DMPK: variants seen among roughly 807,000 people sequenced by gnomAD.
DMPK encodes the protein DM1 protein kinase, also known as myotonin-protein kinase.
Under a neutral mutation model 70.3 loss-of-function variants are expected in DMPK, and 32 were observed. The observed-to-expected ratio is 0.46, with a 90% confidence interval of 0.34 to 0.61. DMPK has a LOEUF of 0.61. Among genes scored for constraint, DMPK ranks in the 20% least tolerant of loss-of-function variants. The pLI is 0.01. For missense variants in DMPK, 899 were observed against 886.0 expected (o/e 1.01, Z -0.19); for synonymous variants, 469 against 390.9 (o/e 1.20, Z -2.36).
In DMPK at chr19:45,779,742, ACGAGTCAAGTCAGGCTCCCGCC is replaced by A; in HGVS notation, c.252+14_252+35del. The A allele has an allele frequency of 6.8e-7, 1 of 1,466,302 alleles. No individual in the cohort carries two copies. The highest frequency in any genetic ancestry group is 2.1e-5 in the Admixed American group (1 of 48,052). The allele number at this position is 1,466,302 out of a possible 1,614,324, so 90.8% of individuals were successfully genotyped here. Reference sequence around the variant, plus strand: ...CCCCAACCCCTATGCCCCGCCCACCACGAGTCAAGTCAGGCTCCCGCCCGGTTCGGCTTACCTCGCTGAACGC... The same window carrying A: ...CCCCAACCCCTATGCCCCGCCCACCACGGTTCGGCTTACCTCGCTGAACGC... On this transcript the variant is annotated intron_variant, in intron 2 of 14. Coordinates refer to ENST00000291270, the MANE Select transcript of DMPK (RefSeq NM_004409.5).
rs1484648651 is a variant in DMPK at position 45,771,856 on chromosome 19, C to G, written c.1417G>C (p.Glu473Gln). 6.3e-7 allele frequency: 1 copy of G among 1,580,502 alleles called. No homozygotes were observed. Among genetic ancestry groups the G allele is most frequent in the Admixed American group, 1.8e-5 (1 of 55,188 alleles). The part of the protein sequence containing the change: ...EAEVTLRELQ[E>Q]ALEEEVLTRQ... ...GTGAGCACCTCCTCCTCCAGGGCTTCCTGGAGCTCCCGCAGCGTCACCTCG... is the reference window on the plus strand; with the variant it reads ...GTGAGCACCTCCTCCTCCAGGGCTTGCTGGAGCTCCCGCAGCGTCACCTCG... Residue 473 changes from glutamate to glutamine, a missense_variant, in exon 11 of 15, where the codon GAA becomes CAA. Glu to Gln is a conservative substitution (Grantham distance 29, BLOSUM62 2). This residue lies in a region of DMPK where 555 missense variants were observed against 483.8 expected (regional missense o/e 1.15). Transcript: ENST00000291270.
Position 45,779,771 on chromosome 19 carries a change from G to C in DMPK, c.252+7C>G, listed in dbSNP as rs773761593. Reference sequence around the variant, plus strand: ...GTCAAGTCAGGCTCCCGCCCGGTTCGGCTTACCTCGCTGAACGCCCCGCGT... The same window carrying C: ...GTCAAGTCAGGCTCCCGCCCGGTTCCGCTTACCTCGCTGAACGCCCCGCGT... On this transcript the variant is annotated splice_region_variant and intron_variant, in intron 2 of 14. Coordinates refer to ENST00000291270, the MANE Select transcript of DMPK (RefSeq NM_004409.5). 8 of 1,551,304 alleles carry C rather than the reference G, an allele frequency of 5.2e-6. No individual in the cohort carries two copies. In the East Asian group the frequency reaches 6.8e-5, roughly 13 times the overall value.
At position 45,779,479 on chromosome 19, in the gene DMPK, A is replaced by G; in HGVS notation, c.296T>C (p.Met99Thr). 1.2e-6 allele frequency: 2 copies of G among 1,613,764 alleles called. No homozygotes were observed. Among genetic ancestry groups the G allele is most frequent in the Non-Finnish European group, 1.7e-6 (2 of 1,179,978 alleles). Residue 99 changes from methionine to threonine, a missense_variant, in exon 3 of 15, where the codon ATG becomes ACG. By Grantham distance (81) the Met-to-Thr change is moderately conservative. This residue lies in a region of DMPK where 149 missense variants were observed against 142.5 expected (regional missense o/e 1.05). Coordinates refer to ENST00000291270, the MANE Select transcript of DMPK (RefSeq NM_004409.5). The part of the protein sequence containing the change: ...KMKQTGQVYA[M>T]KIMNKWDMLK... The stretch of plus-strand genomic sequence containing the variant: ...CATGTCCCACTTGTTCATGATCTTC[A>G]TGGCATACACCTGGCCCGTCTGCTT...
chr19:45,770,668 C>A (rs370518944), intron 14 of DMPK, 28 bp from the exon 15 acceptor site: 1 of 1,546,606 alleles, frequency 6.5e-7, no homozygotes, highest in Non-Finnish European at 8.7e-7. Flanking sequence ...GGTCAACACC[C>A]GGCATGGGCC....
chr19:45,779,625 AC>A, intron 2 of DMPK, 103 bp from the exon 3 acceptor site: 1 of 1,537,122 alleles, frequency 6.5e-7, no homozygotes, highest in Non-Finnish European at 8.8e-7. Context: ...GCCCCGCCCC[AC>A]CTGCCACACC....
chr19:45,777,210 G>C lies in DMPK; in HGVS notation c.1146+117C>G. On this transcript the variant is annotated intron_variant, in intron 8 of 14. Coordinates refer to ENST00000291270, the MANE Select transcript of DMPK (RefSeq NM_004409.5). This position sits in a 1 kb window ranked among gnomAD's most constrained non-coding sequence, Gnocchi z 6.7. Reference sequence around the variant, plus strand: ...CTCAGTAGTAGATGGGCACAGAGCAGGTGCTCTGGGGAATGAGTGATTCAG... The same window carrying C: ...CTCAGTAGTAGATGGGCACAGAGCACGTGCTCTGGGGAATGAGTGATTCAG... The C allele has an allele frequency of 7.4e-7, 1 of 1,344,812 alleles. No homozygotes were observed. The highest frequency in any genetic ancestry group is 2.9e-5 in the Admixed American group (1 of 34,782). 83.3% of individuals were successfully genotyped at this position (1,344,812 alleles called of 1,614,324 possible).
At chr19:45,781,892 C>T (rs943957743) in intron 1 of DMPK, among the ~76,000 whole-genome samples, 4 of 152,140 alleles carry the variant, frequency 2.6e-5, no homozygotes, top group East Asian at 1.9e-4. Flanking sequence ...GACCCTGAGG[C>T]GGGGTGCAGA....
intron 9 of DMPK, 22 bp downstream of exon 9, chr19:45,774,927 G>A (rs1266673718): frequency 1.3e-6 from 2 of 1,597,520 alleles, no homozygotes; most frequent in Middle Eastern, 1.7e-4. Flanking sequence ...GGCCCCTGGA[G>A]GCCGTCCAGG....
In DMPK at chr19:45,777,519, C is replaced by G. The variant is rs749089111; in HGVS notation, c.954G>C (p.Leu318=). The change falls in exon 8 of 15, where the codon CTG becomes CTC. Residue 318 remains leucine, a synonymous_variant. Coordinates refer to ENST00000291270, the MANE Select transcript of DMPK (RefSeq NM_004409.5). The surrounding 1 kb of genome is among the most constrained non-coding windows in gnomAD (Gnocchi z 6.7). The part of the protein sequence containing the change: ...EEARDFIQRL[L]CPPETRLGRG... ...GGCCCAGCCGTGTCTCCGGGGGACA[C>G]AGCAACCGCTGAATGAAGTCTCGAG... 1 of 1,613,610 alleles carries G rather than the reference C, an allele frequency of 6.2e-7. No individual in the cohort carries two copies. The highest frequency in any genetic ancestry group is 1.1e-5 in the South Asian group (1 of 91,090).
chr19:45,774,924 G>T, intron 9 of DMPK, 25 bp downstream of exon 9: 1 of 1,601,370 alleles, frequency 6.2e-7, no homozygotes, highest in Non-Finnish European at 8.6e-7. Context: ...CGTGGCCCCT[G>T]GAGGCCGTCC....
Position 45,779,850 on chromosome 19 carries a change from C to G in DMPK, c.180G>C (p.Arg60Ser). Residue 60 changes from arginine (R) to serine (S), a missense_variant, in exon 2 of 15, where the codon AGG becomes AGC. By Grantham distance (110) the Arg-to-Ser change is moderately radical. Coordinates refer to ENST00000291270, the MANE Select transcript of DMPK (RefSeq NM_004409.5). ...FLQWAEPIVV[R>S]LKEVRLQRDD... ...CCCTCTGCAGTCGGACCTCCTTAAG[C>G]CTCACCACGATGGGCTCCGCTGGGG... The G allele has an allele frequency of 2.5e-6, 4 of 1,611,866 alleles. No individual in the cohort carries two copies. The highest frequency in any genetic ancestry group is 3.4e-6 in the Non-Finnish European group (4 of 1,178,982).
At chr19:45,779,679 T>G (rs1600446922) in intron 2 of DMPK, 99 bp downstream of exon 2, 12 of 1,534,614 alleles carry the variant, frequency 7.8e-6, no homozygotes, top group East Asian at 2.3e-5. Context: ...CAGCCCTAGG[T>G]TCTAAGGCTC....
chr19:45,778,334 CT>C, intron 5 of DMPK, 114 bp from the exon 6 acceptor site: 13 of 1,368,886 alleles, frequency 9.5e-6, no homozygotes, highest in Middle Eastern at 2.1e-4. Flanking sequence ...GGTTCCGCCC[CT>C]GTAGGGCTTC....
Position 45,778,502 on chromosome 19 carries a change from T to A in DMPK, c.572A>T (p.Tyr191Phe). The change falls in exon 5 of 15, where the codon TAC becomes TTC. Residue 191 changes from tyrosine (Y) to phenylalanine (F), a missense_variant. By Grantham distance (22) the Tyr-to-Phe change is conservative. Transcript: ENST00000291270. ...GCCATGCTGCACCCACCTGTGCACGTAGCCAAGCCGGTGCACCGAGTCTAT... is the reference window on the plus strand; with the variant it reads ...GCCATGCTGCACCCACCTGTGCACGAAGCCAAGCCGGTGCACCGAGTCTAT... ...MAIDSVHRLG[Y>F]VHRDIKPDNI... 6.2e-7 allele frequency: 1 copy of A among 1,613,662 alleles called. No individual in the cohort carries two copies. Among genetic ancestry groups the A allele is most frequent in the Non-Finnish European group, 8.5e-7 (1 of 1,179,980 alleles).
intron 13 of DMPK, 103 bp downstream of exon 13, chr19:45,771,247 G>T: frequency 6.8e-7 from 1 of 1,462,536 alleles, no homozygotes; most frequent in Non-Finnish European, 9.2e-7. Flanking sequence ...AAGTCGCAAA[G>T]ACGTAGGGTG....
chr19:45,781,531 G>A lies in DMPK; in HGVS notation c.160+662C>T, dbSNP rs545559067. Among the ~76,000 whole-genome samples, 40 of 152,264 alleles carry A rather than the reference G, an allele frequency of 2.6e-4. No individual in the cohort carries two copies. In the Middle Eastern group the frequency reaches 0.014, roughly 52 times the overall value. On this transcript the variant is annotated intron_variant, in intron 1 of 14. Coordinates refer to ENST00000291270, the MANE Select transcript of DMPK (RefSeq NM_004409.5). ...GGCTCATAGGAACCGAGACTTTGGGGCTGGGGGTGGGGGTGGGTGCAGAAC... is the reference window on the plus strand; with the variant it reads ...GGCTCATAGGAACCGAGACTTTGGGACTGGGGGTGGGGGTGGGTGCAGAAC...
intron 1 of DMPK, chr19:45,780,643 G>T (rs925694760): frequency 1.0e-6 from 1 of 1,003,220 alleles, no homozygotes; most frequent in Non-Finnish European, 1.2e-6. Context: ...ACTCCCGGGG[G>T]TGGAAGAAGT....
intron 1 of DMPK, chr19:45,780,497 C>T: frequency 2.7e-6 from 3 of 1,122,730 alleles, no homozygotes; most frequent in South Asian, 4.3e-5. Flanking sequence ...AGTCCTACCC[C>T]TTATTTACAG....
rs1244999751 is a variant in DMPK, at chr19:45,777,528, C to G, written c.945G>C (p.Gln315His). The change falls in exon 8 of 15, where the codon CAG becomes CAC. Residue 315 changes from glutamine to histidine, a missense_variant. Gln to His is a conservative substitution (Grantham distance 24). Transcript: ENST00000291270. This position sits in a 1 kb window ranked among gnomAD's most constrained non-coding sequence, Gnocchi z 6.7. ...GTGTCTCCGGGGGACACAGCAACCG[C>G]TGAATGAAGTCTCGAGCCTCCTCAG... is the stretch of plus-strand genomic sequence containing the variant. Reference protein sequence around the residue: ...GVPEEARDFIQRLLCPPETRL... With the variant: ...GVPEEARDFIHRLLCPPETRL... 6.2e-7 allele frequency: 1 copy of G among 1,613,656 alleles called. No individual in the cohort carries two copies. Among genetic ancestry groups the G allele is most frequent in the Admixed American group, 1.7e-5 (1 of 60,022 alleles).
Sources: allele counts gnomAD v4.1 joint callset (sites outside exome capture counted in the v4.1 genomes callset), GRCh38; gene constraint gnomAD v4.1.1; regional missense constraint gnomAD v4.1.1; non-coding constraint Gnocchi (gnomAD v3.1); transcripts MANE v1.5; gene names NCBI Gene and HGNC (gene_info 2026-07-23, HGNC 2026-07-21).